Variants in MTUS2 observed in about 807,000 individuals in gnomAD.
MTUS2 encodes the protein microtubule associated scaffold protein 2.
Under a neutral mutation model 114.1 loss-of-function variants are expected in MTUS2, and 40 were observed. That is an observed-to-expected ratio of 0.35 (90% CI 0.27 to 0.46). The LOEUF (loss-of-function observed/expected upper bound fraction) is 0.46. Ranked by LOEUF, MTUS2 falls within the 20% of genes least tolerant of loss-of-function variation. The pLI is 1.00. For missense variants in MTUS2, 1,679 were observed against 1,705.4 expected (o/e 0.98, Z 0.27); for synonymous variants, 688 against 672.0 (o/e 1.02, Z -0.37).
intron 5 of MTUS2, among the ~76,000 whole-genome samples, chr13:29,145,118 A>G (rs936164943): frequency 4.6e-5 from 7 of 152,190 alleles, no homozygotes. Context: ...ACTTTTATCA[A>G]AGTTCACATA....
At chr13:28,932,138 C>G (rs934714223) in intron 2 of MTUS2, among the ~76,000 whole-genome samples, 1 of 151,958 alleles carries the variant, frequency 6.6e-6, no homozygotes, top group African/African-American at 2.4e-5. Flanking sequence ...CTGCAGCTCA[C>G]TGACCAATGG....
At chr13:28,857,955 C>T (rs1360395043) in intron 2 of MTUS2, among the ~76,000 whole-genome samples, 1 of 152,146 alleles carries the variant, frequency 6.6e-6, no homozygotes, top group Non-Finnish European at 1.5e-5. Context: ...CATGCTTGGC[C>T]CCTGCTGTTT....
chr13:28,887,260 C>G (rs1240638055), intron 2 of MTUS2, among the ~76,000 whole-genome samples: 1 of 152,184 alleles, frequency 6.6e-6, no homozygotes, highest in Non-Finnish European at 1.5e-5. Context: ...GGTGTATAAT[C>G]ATGCTTATTC....
chr13:29,127,756 A>T (rs1381804275), intron 5 of MTUS2, among the ~76,000 whole-genome samples: 1 of 152,148 alleles, frequency 6.6e-6, no homozygotes, highest in African/African-American at 2.4e-5. Context: ...TTCTCCTCTG[A>T]TCCGATAGCT....
chr13:28,867,657 A>C (rs1031128799), intron 2 of MTUS2, among the ~76,000 whole-genome samples: 1 of 152,194 alleles, frequency 6.6e-6, no homozygotes, highest in African/African-American at 2.4e-5. Flanking sequence ...AATAATAAGA[A>C]TATTGGAAGT....
At chr13:29,324,759 G>T in intron 7 of MTUS2, 48 bp downstream of exon 7, 1 of 1,381,260 alleles carries the variant, frequency 7.2e-7, no homozygotes, top group Non-Finnish European at 1.0e-6. Flanking sequence ...CTTGAACTTG[G>T]AATTTATCTT....
At chr13:29,081,482 G>C (rs1889438087) in intron 4 of MTUS2, among the ~76,000 whole-genome samples, 3 of 152,006 alleles carry the variant, frequency 2.0e-5, no homozygotes, top group Admixed American at 2.0e-4. Flanking sequence ...ACATTCCATT[G>C]AATCCCTTGT....
chr13:29,458,199 G>A (rs1879254002), intron 9 of MTUS2, among the ~76,000 whole-genome samples: 1 of 152,152 alleles, frequency 6.6e-6, no homozygotes, highest in Non-Finnish European at 1.5e-5. Flanking sequence ...CTTGCCACAT[G>A]TCCCACCTGG....
intron 5 of MTUS2, among the ~76,000 whole-genome samples, chr13:29,277,368 T>C (rs1190741218): frequency 6.6e-6 from 1 of 152,202 alleles, no homozygotes; most frequent in Non-Finnish European, 1.5e-5. Flanking sequence ...ATTGAAAATG[T>C]TGACATTTTT....
intron 1 of MTUS2, among the ~76,000 whole-genome samples, chr13:28,838,067 A>G (rs527755109): frequency 1.3e-5 from 2 of 152,304 alleles, no homozygotes; most frequent in South Asian, 4.1e-4. Context: ...CTTACATCTT[A>G]TCCTCACATA....
At chr13:29,355,397 T>G (rs977577165) in intron 7 of MTUS2, among the ~76,000 whole-genome samples, 3 of 152,160 alleles carry the variant, frequency 2.0e-5, no homozygotes, top group African/African-American at 7.2e-5. Flanking sequence ...AGATTATGAT[T>G]GGGGTAACAT....
intron 6 of MTUS2, among the ~76,000 whole-genome samples, chr13:29,314,956 G>T (rs1045520522): frequency 1.3e-5 from 2 of 152,140 alleles, no homozygotes; most frequent in South Asian, 4.1e-4. Context: ...TAAAGAAAAC[G>T]TGGTACATAT....
intron 2 of MTUS2, among the ~76,000 whole-genome samples, chr13:28,966,745 A>C (rs1042877120): frequency 4.0e-5 from 6 of 151,344 alleles, no homozygotes; most frequent in South Asian, 2.1e-4. Context: ...AAAAAAAAAA[A>C]AAACAAAGAA....
At chr13:29,128,975 G>A (rs545932188) in intron 5 of MTUS2, among the ~76,000 whole-genome samples, 2 of 152,132 alleles carry the variant, frequency 1.3e-5, no homozygotes, top group Non-Finnish European at 2.9e-5. Flanking sequence ...AGTTTAAAAG[G>A]AAATTGTAAA....
chr13:29,490,268 A>G (rs1278085940), intron 11 of MTUS2, among the ~76,000 whole-genome samples: 1 of 152,242 alleles, frequency 6.6e-6, no homozygotes, highest in East Asian at 1.9e-4. Flanking sequence ...CCTTACCACC[A>G]TTAGTTAAAA....
At chr13:29,428,929 C>G (rs1459223896) in intron 8 of MTUS2, 2 of 1,607,102 alleles carry the variant, frequency 1.2e-6, no homozygotes, top group Admixed American at 1.7e-5. Flanking sequence ...TCTTCCCCCT[C>G]CTCCTTTGCA....
Position 29,214,568 on chromosome 13 carries a change from C to G in MTUS2, c.2645-67136C>G, listed in dbSNP as rs528516172. 2.5e-3 allele frequency among the ~76,000 whole-genome samples: 374 copies of G among 152,306 alleles called. 2 individuals carry two copies. The highest frequency in any genetic ancestry group is 8.4e-3 in the African/African-American group (350 of 41,568). ...AAGGCAGGCCTTGTGGTGACAATAT[C>G]TCTCAGCATTTGCTTGTCTGTAAAG... On this transcript the variant is annotated intron_variant, in intron 5 of 15. Transcript: ENST00000612955.
In MTUS2 at chr13:29,025,781, C is replaced by A; in HGVS notation, c.1083C>A (p.Gly361=). 4 of 1,613,966 alleles carry A rather than the reference C, an allele frequency of 2.5e-6. No homozygotes were observed. The highest frequency in any genetic ancestry group is 2.5e-6 in the Non-Finnish European group (3 of 1,179,882). Residue 361 remains glycine (G), a synonymous_variant, in exon 3 of 16, where the codon GGC becomes GGA. Coordinates refer to ENST00000612955, the MANE Select transcript of MTUS2 (RefSeq NM_001033602.4). Reference sequence around the variant, plus strand: ...ACCCGGAAGCCACCGATGCACTTGGCCATCTGCTGAACAGTGACCTCCACC... The same window carrying A: ...ACCCGGAAGCCACCGATGCACTTGGACATCTGCTGAACAGTGACCTCCACC... ...EAHPEATDAL[G]HLLNSDLHHL...
Position 29,281,339 on chromosome 13 carries a change from A to G in MTUS2, c.2645-365A>G, listed in dbSNP as rs1023344741. On this transcript the variant is annotated intron_variant, in intron 5 of 15. Coordinates refer to ENST00000612955, the MANE Select transcript of MTUS2 (RefSeq NM_001033602.4). ...AAGGCTCTTCATTCTGAGTTATCAA[A>G]TAAGTGTTTATTATATACACATACA... is the stretch of plus-strand genomic sequence containing the variant. Among the ~76,000 whole-genome samples, 9 of 152,194 alleles carry G rather than the reference A, an allele frequency of 5.9e-5. 1 individual carries two copies. Among genetic ancestry groups the G allele is most frequent in the African/African-American group, 2.2e-4 (9 of 41,520 alleles).
Sources: allele counts gnomAD v4.1 joint callset (sites outside exome capture counted in the v4.1 genomes callset), GRCh38; gene constraint gnomAD v4.1.1; transcripts MANE v1.5; gene names NCBI Gene and HGNC (gene_info 2026-07-23, HGNC 2026-07-21).